BMP5: variants seen among roughly 807,000 people sequenced by gnomAD.
BMP5 encodes the protein bone morphogenetic protein 5.
In BMP5, 23 loss-of-function variants were observed where a neutral mutation model predicts 46.6. The ratio of observed to expected loss-of-function variants is 0.49; its 90% CI spans 0.35 to 0.70. The LOEUF is 0.70. Among genes scored for constraint, BMP5 ranks in the 30% least tolerant of loss-of-function variants. The pLI, the probability that BMP5 is intolerant of heterozygous loss-of-function variation, is 0.00. For missense variants in BMP5, 545 were observed against 565.6 expected (o/e 0.96, Z 0.37); for synonymous variants, 204 against 191.9 (o/e 1.06, Z -0.52).
At chr6:55,812,987 T>C (rs1776170162) in intron 2 of BMP5, among the ~76,000 whole-genome samples, 1 of 152,208 alleles carries the variant, frequency 6.6e-6, no homozygotes, top group Non-Finnish European at 1.5e-5. Context: ...CAGAGAATTC[T>C]CAGAGAATTA....
chr6:55,811,186 A>C (rs1321982983), intron 2 of BMP5, among the ~76,000 whole-genome samples: 1 of 152,172 alleles, frequency 6.6e-6, no homozygotes, highest in East Asian at 1.9e-4. Context: ...AAGAATCACA[A>C]ATCTTAGAGA....
At position 55,819,813 on chromosome 6, in the gene BMP5, C is replaced by A; in HGVS notation, c.525G>T (p.Arg175Ser). ...ERDKDFSHQR[R>S]HYKEFRFDLT... ...GATCAAATCGAAATTCTTTGTAATG[C>A]CTTCGCTGGTGAGAAAAATCCTTGT... The change falls in exon 2 of 7, where the codon AGG (arginine) becomes AGT (serine). Residue 175 changes from arginine to serine, a missense_variant. Transcript: ENST00000370830. 1 of 1,613,770 alleles carries A rather than the reference C, an allele frequency of 6.2e-7. No homozygotes were observed.
chr6:55,798,481 T>C (rs1775769496), intron 2 of BMP5, among the ~76,000 whole-genome samples: 1 of 152,200 alleles, frequency 6.6e-6, no homozygotes, highest in African/African-American at 2.4e-5. Context: ...TCATAATGAC[T>C]AAAATTTGCA....
chr6:55,774,313 G>A, intron 3 of BMP5, 70 bp from the exon 4 acceptor site: 1 of 1,461,598 alleles, frequency 6.8e-7, no homozygotes, highest in South Asian at 1.1e-5. Context: ...AATGAATTCT[G>A]AGGGTACTTT....
chr6:55,850,525 C>G (rs1186178544), intron 1 of BMP5, among the ~76,000 whole-genome samples: 1 of 152,104 alleles, frequency 6.6e-6, no homozygotes, highest in East Asian at 1.9e-4. Context: ...CACACCACTG[C>G]TCAAGTTATT....
At chr6:55,784,622 T>G (rs1370159266) in intron 3 of BMP5, among the ~76,000 whole-genome samples, 1 of 151,730 alleles carries the variant, frequency 6.6e-6, no homozygotes, top group Non-Finnish European at 1.5e-5. Context: ...AAATTAACTA[T>G]AATTACACAA....
intron 3 of BMP5, among the ~76,000 whole-genome samples, chr6:55,777,603 G>C (rs926730246): frequency 6.6e-6 from 1 of 151,920 alleles, no homozygotes; most frequent in African/African-American, 2.4e-5. Context: ...AGTCACCTTA[G>C]GATTCAGACA....
intron 2 of BMP5, among the ~76,000 whole-genome samples, chr6:55,796,102 G>C (rs757662603): frequency 4.4e-4 from 67 of 152,230 alleles, no homozygotes; most frequent in Admixed American, 9.8e-4. Context: ...CATTTACACT[G>C]TTCACTTCTT....
intron 4 of BMP5, among the ~76,000 whole-genome samples, chr6:55,762,954 G>T (rs1018722290): frequency 6.6e-6 from 1 of 151,942 alleles, no homozygotes; most frequent in African/African-American, 2.4e-5. Context: ...ACTACCTATG[G>T]ATACTAAAAT....
chr6:55,838,864 A>G (rs1776885961), intron 1 of BMP5, among the ~76,000 whole-genome samples: 1 of 152,154 alleles, frequency 6.6e-6, no homozygotes, highest in African/African-American at 2.4e-5. Context: ...TTTCATTCTA[A>G]TTCTGTTTTG....
intron 1 of BMP5, among the ~76,000 whole-genome samples, chr6:55,843,707 A>T (rs981982565): frequency 6.6e-6 from 1 of 152,074 alleles, no homozygotes; most frequent in African/African-American, 2.4e-5. Flanking sequence ...ATACTATCAT[A>T]TCAAATGCAA....
chr6:55,758,046 ATTCT>A (rs1774657792), intron 6 of BMP5, among the ~76,000 whole-genome samples: 1 of 151,892 alleles, frequency 6.6e-6, no homozygotes, highest in African/African-American at 2.4e-5. Flanking sequence ...TCTAAGAGTA[ATTCT>A]TTCTTTTTCC....
chr6:55,840,041 G>A (rs1474975509), intron 1 of BMP5, among the ~76,000 whole-genome samples: 2 of 151,754 alleles, frequency 1.3e-5, no homozygotes, highest in Non-Finnish European at 2.9e-5. Context: ...TTTTTATTTT[G>A]ATGAAATCAC....
chr6:55,866,605 C>T (rs1169226810), intron 1 of BMP5, among the ~76,000 whole-genome samples: 2 of 152,122 alleles, frequency 1.3e-5, no homozygotes, highest in Non-Finnish European at 2.9e-5. Context: ...GCTCTACATA[C>T]TTGCATATAT....
intron 1 of BMP5, among the ~76,000 whole-genome samples, chr6:55,837,457 C>G (rs528836699): frequency 6.6e-6 from 1 of 152,060 alleles, no homozygotes; most frequent in East Asian, 1.9e-4. Flanking sequence ...CTAAATCGGC[C>G]AAGTCTTTTA....
intron 1 of BMP5, among the ~76,000 whole-genome samples, chr6:55,870,580 ACT>A (rs1777762053): frequency 6.6e-6 from 1 of 152,044 alleles, no homozygotes; most frequent in Non-Finnish European, 1.5e-5. Flanking sequence ...AGTGTTAATA[ACT>A]CTGTTGGAGA....
intron 1 of BMP5, among the ~76,000 whole-genome samples, chr6:55,825,210 A>G (rs1776501203): frequency 6.6e-6 from 1 of 151,854 alleles, no homozygotes; most frequent in Admixed American, 6.6e-5. Context: ...CAAATCACAA[A>G]CACAACAATG....
intron 2 of BMP5, among the ~76,000 whole-genome samples, chr6:55,812,899 T>A (rs750312841): frequency 2.0e-5 from 3 of 152,216 alleles, no homozygotes; most frequent in Non-Finnish European, 4.4e-5. Context: ...GTATTTTTAA[T>A]GCAATACTTG....
intron 2 of BMP5, among the ~76,000 whole-genome samples, chr6:55,801,675 T>C (rs1775851440): frequency 6.6e-6 from 1 of 152,188 alleles, no homozygotes; most frequent in South Asian, 2.1e-4. Flanking sequence ...AATCTCCACT[T>C]TGCTCTTGGC....
Sources: allele counts gnomAD v4.1 joint callset (sites outside exome capture counted in the v4.1 genomes callset), GRCh38; gene constraint gnomAD v4.1.1; transcripts MANE v1.5; gene names NCBI Gene and HGNC (gene_info 2026-07-23, HGNC 2026-07-21).